BRD10: variants seen among roughly 807,000 people sequenced by gnomAD.
BRD10 encodes uncharacterized bromodomain-containing protein 10.
chr9:5,919,747 A>G, the BRD10 span: 4 of 1,613,524 alleles, frequency 2.5e-6, no homozygotes, highest in Non-Finnish European at 3.4e-6. Context: ...AGACAGACGC[A>G]GGACTTCGAC....
chr9:5,930,369 T>TTATATATATA, the BRD10 span, among the ~76,000 whole-genome samples: 6 of 135,534 alleles, frequency 4.4e-5, no homozygotes, highest in East Asian at 4.3e-4. Flanking sequence ...TATAAGGAGA[T>TTATATATATA]TATATATATA....
the BRD10 span, among the ~76,000 whole-genome samples, chr9:5,993,612 C>T: frequency 3.1e-3 from 476 of 152,226 alleles, no homozygotes; most frequent in African/African-American, 0.011. Context: ...ACCCAGAGAG[C>T]GGTGACTGTA....
the BRD10 span, among the ~76,000 whole-genome samples, chr9:5,936,076 C>T: frequency 1.3e-5 from 2 of 152,002 alleles, 1 homozygote; most frequent in East Asian, 3.8e-4. Flanking sequence ...TATTCATTAG[C>T]CGGGCATGGG....
chr9:5,951,920 A>G, the BRD10 span, among the ~76,000 whole-genome samples: 1 of 151,178 alleles, frequency 6.6e-6, no homozygotes, highest in East Asian at 1.9e-4. Flanking sequence ...TGAGACTATT[A>G]CTCCTCTCTA....
At chr9:5,904,110 G>A in the BRD10 span, among the ~76,000 whole-genome samples, 4 of 152,076 alleles carry the variant, frequency 2.6e-5, no homozygotes, top group African/African-American at 9.7e-5. Context: ...CGCCTGCCTT[G>A]GTCTCCCAAA....
the BRD10 span, chr9:5,968,106 A>G: frequency 5.7e-6 from 9 of 1,570,562 alleles, no homozygotes; most frequent in Non-Finnish European, 6.9e-6. Context: ...AATGCAAGAG[A>G]ATGAAGACCT....
the BRD10 span, among the ~76,000 whole-genome samples, chr9:5,984,236 C>A: frequency 6.6e-6 from 1 of 152,172 alleles, no homozygotes; most frequent in East Asian, 1.9e-4. Flanking sequence ...TCTTTGATTT[C>A]TTTAAAACAC....
chr9:5,881,623 G>GT, the BRD10 span: 1 of 152,236 alleles, frequency 6.6e-6, no homozygotes, highest in Non-Finnish European at 1.5e-5. Context: ...GCTGTGTACA[G>GT]TGAGTAAGCC....
the BRD10 span, among the ~76,000 whole-genome samples, chr9:5,885,206 AG>A: frequency 6.6e-6 from 1 of 152,142 alleles, no homozygotes; most frequent in African/African-American, 2.4e-5. Context: ...CGTCACAGCA[AG>A]CGCTTGTTAG....
chr9:5,996,491 G>GT, the BRD10 span, among the ~76,000 whole-genome samples: 2 of 152,152 alleles, frequency 1.3e-5, no homozygotes, highest in South Asian at 4.1e-4. Flanking sequence ...GCTAATTTTT[G>GT]TATGTTTAGT....
the BRD10 span, among the ~76,000 whole-genome samples, chr9:5,986,908 C>T: frequency 6.6e-6 from 1 of 152,026 alleles, no homozygotes. Flanking sequence ...CTGCTTTTTC[C>T]CCTACCTGGA....
chr9:5,996,205 G>C, the BRD10 span, among the ~76,000 whole-genome samples: 10 of 152,174 alleles, frequency 6.6e-5, no homozygotes, highest in South Asian at 1.0e-3. Flanking sequence ...CTCCAGAGGA[G>C]AAGAATACAA....
At chr9:5,914,068 A>C in the BRD10 span, 1 of 450,976 alleles carries the variant, frequency 2.2e-6, no homozygotes, top group Non-Finnish European at 4.4e-6. Context: ...GCTCACTGAA[A>C]TAAGAAAAGA....
At chr9:5,889,859 C>G in the BRD10 span, among the ~76,000 whole-genome samples, 3 of 152,060 alleles carry the variant, frequency 2.0e-5, no homozygotes, top group Admixed American at 6.6e-5. Flanking sequence ...TACTTTTGCA[C>G]CAACCTAATT....
chr9:5,955,618 T>C, the BRD10 span, among the ~76,000 whole-genome samples: 2 of 152,214 alleles, frequency 1.3e-5, no homozygotes, highest in Non-Finnish European at 2.9e-5. Context: ...CCATGTATAC[T>C]ATGACTGAAC....
At chr9:5,974,636 G>C in the BRD10 span, among the ~76,000 whole-genome samples, 3 of 152,296 alleles carry the variant, frequency 2.0e-5, no homozygotes, top group South Asian at 2.1e-4. Flanking sequence ...AAGGCAACTA[G>C]AGTCTGCAGG....
At chr9:5,926,734 T>G in the BRD10 span, among the ~76,000 whole-genome samples, 1 of 152,122 alleles carries the variant, frequency 6.6e-6, no homozygotes, top group African/African-American at 2.4e-5. Flanking sequence ...GGTTTCATCA[T>G]GTTAGCCAGG....
At chr9:5,914,022 G>T in the BRD10 span, 1 of 453,106 alleles carries the variant, frequency 2.2e-6, no homozygotes, top group East Asian at 7.1e-5. Context: ...AAATGCTCAA[G>T]AAAGTTGGAT....
chr9:5,952,188 T>A, the BRD10 span, among the ~76,000 whole-genome samples: 49 of 151,554 alleles, frequency 3.2e-4, no homozygotes, highest in African/African-American at 1.1e-3. Context: ...ACCCGGCTAA[T>A]TTTTTTTGTA....
Sources: gnomAD v4.1 joint callset for allele counts (sites outside exome capture counted in the v4.1 genomes callset) on GRCh38, gnomAD v4.1.1 for gene constraint, MANE v1.5 for transcripts, NCBI Gene and HGNC (gene_info 2026-07-23, HGNC 2026-07-21) for gene names.